The following AXDND1 variants were observed in gnomAD, a reference collection of about 807,000 sequenced individuals.
The protein encoded by AXDND1 is axonemal dynein light chain domain-containing protein 1.
A neutral mutation model predicts 137.5 loss-of-function variants in AXDND1; 110 were observed. That is an observed-to-expected ratio of 0.80 (90% CI 0.69 to 0.94). AXDND1 has a LOEUF of 0.94. AXDND1 is among the 40% of genes least tolerant of loss of function. AXDND1 has a pLI of 0.00. For missense variants in AXDND1, 1,191 were observed against 1,169.8 expected (o/e 1.02, Z -0.26); for synonymous variants, 414 against 399.7 (o/e 1.04, Z -0.43).
intron 16 of AXDND1, among the ~76,000 whole-genome samples, chr1:179,468,170 A>G (rs74698376): frequency 0.025 from 3,821 of 152,290 alleles, 71 homozygotes; most frequent in Middle Eastern, 0.068. Flanking sequence ...GGTTTAATGC[A>G]TTTGATTCTC....
At chr1:179,465,801 C>G (rs1275093555) in intron 16 of AXDND1, among the ~76,000 whole-genome samples, 1 of 152,184 alleles carries the variant, frequency 6.6e-6, no homozygotes, top group Non-Finnish European at 1.5e-5. Flanking sequence ...CTTTGTTTAC[C>G]TACTCAAGCC....
chr1:179,376,620 C>A (rs564674107), intron 4 of AXDND1, among the ~76,000 whole-genome samples: 1 of 152,090 alleles, frequency 6.6e-6, no homozygotes, highest in African/African-American at 2.4e-5. Flanking sequence ...TACTGCTTCC[C>A]GAAGTTTTCC....
chr1:179,482,098 ATTTTT>A (rs57145549), intron 17 of AXDND1, among the ~76,000 whole-genome samples: 1,351 of 107,988 alleles, frequency 0.013, 7 homozygotes, highest in Non-Finnish European at 0.016. Context: ...GAGCTTTTTA[ATTTTT>A]TTTTTTTTTT....
intron 19 of AXDND1, among the ~76,000 whole-genome samples, chr1:179,492,538 G>A (rs572658332): frequency 6.6e-6 from 1 of 151,898 alleles, no homozygotes; most frequent in East Asian, 1.9e-4. Flanking sequence ...TATTAACTGA[G>A]ATGCAAGCTT....
intron 24 of AXDND1, 72 bp downstream of exon 24, chr1:179,533,949 C>G (rs1671273072): frequency 4.4e-6 from 6 of 1,359,352 alleles, no homozygotes; most frequent in Non-Finnish European, 6.3e-6. Context: ...GAAATTCACA[C>G]TTTTTGGCTT....
intron 20 of AXDND1, among the ~76,000 whole-genome samples, chr1:179,494,948 A>G (rs1667297105): frequency 6.6e-6 from 1 of 152,146 alleles, no homozygotes; most frequent in Admixed American, 6.6e-5. Context: ...TTTTAGCACC[A>G]TTTGCTGAAA....
chr1:179,499,666 A>G lies in AXDND1; in HGVS notation c.2388+6715A>G, dbSNP rs555109976. 3.9e-5 allele frequency among the ~76,000 whole-genome samples: 6 copies of G among 152,302 alleles called. No homozygotes were observed. In the South Asian group the frequency reaches 1.2e-3, roughly 32 times the overall value. Reference sequence around the variant, plus strand: ...AATACCTGACTAAAAGGAGATGATCAAGAGAGCCCAAAATTGGTCTGCTAA... The same window carrying G: ...AATACCTGACTAAAAGGAGATGATCGAGAGAGCCCAAAATTGGTCTGCTAA... On this transcript the variant is annotated intron_variant, in intron 20 of 25. Coordinates refer to ENST00000367618, the MANE Select transcript of AXDND1 (RefSeq NM_144696.6).
chr1:179,449,371 T>A (rs1385494779), intron 16 of AXDND1: 1 of 243,948 alleles, frequency 4.1e-6, no homozygotes, highest in Non-Finnish European at 8.3e-6. Flanking sequence ...TTAAGCCTAT[T>A]CTACTCATGT....
chr1:179,383,655 G>A (rs1399056874), intron 8 of AXDND1, 111 bp downstream of exon 8: 2 of 716,094 alleles, frequency 2.8e-6, no homozygotes, highest in African/African-American at 1.8e-5. Flanking sequence ...CCTTGGACAA[G>A]TCATTTAATG....
At position 179,534,850 on chromosome 1, in the gene AXDND1, G is replaced by C. The variant is rs1438048639; in HGVS notation, c.2919G>C (p.Glu973Asp). 6.2e-7 allele frequency: 1 copy of C among 1,611,554 alleles called. No individual in the cohort carries two copies. The highest frequency in any genetic ancestry group is 8.5e-7 in the Non-Finnish European group (1 of 1,179,506). The change falls in exon 25 of 26, where the codon GAG becomes GAC. Residue 973 changes from glutamate to aspartate, a missense_variant. Glu to Asp is a conservative substitution (Grantham distance 45). Transcript: ENST00000367618. ...LEELVMTSRK[E>D]SKEEKENQDE... ...AATTAGTCATGACATCAAGAAAGGA[G>C]TCTAAAGAAGAGAAAGAAAATCAAG... is the stretch of plus-strand genomic sequence containing the variant.
Position 179,468,388 on chromosome 1 carries a change from A to T in AXDND1, c.1799-55A>T, listed in dbSNP as rs55704523. The T allele has an allele frequency of 3.5e-3, 4,401 of 1,247,608 alleles. 11 individuals carry two copies. Among genetic ancestry groups the T allele is most frequent in the South Asian group, 7.4e-3 (527 of 71,390 alleles). 77.3% of individuals were successfully genotyped at this position (1,247,608 alleles called of 1,614,324 possible). On this transcript the variant is annotated intron_variant, in intron 16 of 25. Coordinates refer to ENST00000367618, the MANE Select transcript of AXDND1 (RefSeq NM_144696.6). Reference sequence around the variant, plus strand: ...CAGTAGGATTTTATAATTTGGTATTAAAATAGTAGTCTTACAAATATTTCT... The same window carrying T: ...CAGTAGGATTTTATAATTTGGTATTTAAATAGTAGTCTTACAAATATTTCT...
chr1:179,383,537 C>T lies in AXDND1; in HGVS notation c.734C>T (p.Pro245Leu). The T allele has an allele frequency of 6.2e-7, 1 of 1,611,756 alleles. No homozygotes were observed. The highest frequency in any genetic ancestry group is 8.5e-7 in the Non-Finnish European group (1 of 1,178,118). ...AGVENQEYTGPTKMHKLLHIL... is the reference protein window; with the variant it reads ...AGVENQEYTGLTKMHKLLHIL... ...GTGGAAAATCAGGAATATACAGGAC[C>T]AACGAAGGTAATTGCAAAGCCGAAT... Residue 245 changes from proline (P) to leucine (L), a missense_variant, in exon 8 of 26, where the codon CCA becomes CTA. Coordinates refer to ENST00000367618, the MANE Select transcript of AXDND1 (RefSeq NM_144696.6).
chr1:179,404,830 G>A (rs950910173), intron 11 of AXDND1, among the ~76,000 whole-genome samples: 37 of 151,652 alleles, frequency 2.4e-4, no homozygotes, highest in African/African-American at 8.0e-4. Flanking sequence ...GAGAAGAATT[G>A]GTGTTTATTC....
chr1:179,425,609 C>T (rs1388319741), intron 12 of AXDND1, among the ~76,000 whole-genome samples: 1 of 151,974 alleles, frequency 6.6e-6, no homozygotes, highest in Non-Finnish European at 1.5e-5. Context: ...AAGGAATCAA[C>T]ATGATGAGGA....
intron 20 of AXDND1, chr1:179,506,832 G>C (rs1668587461): frequency 1.0e-6 from 1 of 985,192 alleles, no homozygotes; most frequent in South Asian, 4.7e-5. Flanking sequence ...TATGTCACCA[G>C]AGATAGCACT....
chr1:179,496,744 G>C (rs1040738935), intron 20 of AXDND1, among the ~76,000 whole-genome samples: 1 of 151,822 alleles, frequency 6.6e-6, no homozygotes, highest in African/African-American at 2.4e-5. Flanking sequence ...CTTATTCTGG[G>C]TTTAATTTGC....
intron 16 of AXDND1, among the ~76,000 whole-genome samples, chr1:179,465,975 G>T (rs924783168): frequency 6.6e-6 from 1 of 152,174 alleles, no homozygotes; most frequent in Non-Finnish European, 1.5e-5. Flanking sequence ...TTGGAAAAGC[G>T]CAGTATTAGG....
At chr1:179,490,350 G>A (rs75408336) in intron 18 of AXDND1, among the ~76,000 whole-genome samples, 16,332 of 152,152 alleles carry the variant, frequency 0.11, 997 homozygotes, top group African/African-American at 0.14. Flanking sequence ...TATTTGAAAA[G>A]TATGGTGTGT....
intron 4 of AXDND1, among the ~76,000 whole-genome samples, chr1:179,372,834 C>A (rs990801213): frequency 1.3e-5 from 2 of 152,050 alleles, no homozygotes; most frequent in Non-Finnish European, 1.5e-5. Context: ...CAGGCATGCA[C>A]CACCATGCCC....
Sources: gnomAD v4.1 joint callset for allele counts (sites outside exome capture counted in the v4.1 genomes callset) on GRCh38, gnomAD v4.1.1 for gene constraint, MANE v1.5 for transcripts, NCBI Gene and HGNC (gene_info 2026-07-23, HGNC 2026-07-21) for gene names.